CREBL2: variants seen among roughly 807,000 people sequenced by gnomAD.
CREBL2 encodes cAMP responsive element binding protein like 2.
CREBL2 carries 4 observed loss-of-function variants against 19.5 expected under a neutral mutation model. That is an observed-to-expected ratio of 0.20 (90% CI 0.10 to 0.47). The LOEUF (loss-of-function observed/expected upper bound fraction) is 0.47, where lower values mean the gene tolerates loss of function less well. CREBL2 is among the 20% of genes least tolerant of loss of function. CREBL2 has a pLI of 0.98. For synonymous variants in CREBL2, 42 were observed against 46.6 expected, an observed-to-expected ratio of 0.90 and a Z score of 0.40; for missense variants, 85 against 145.1, an observed-to-expected ratio of 0.59 and a Z score of 2.13.
At chr12:12,635,464 A>C (rs1289615026) in intron 1 of CREBL2, among the ~76,000 whole-genome samples, 1 of 151,276 alleles carries the variant, frequency 6.6e-6, no homozygotes, top group Non-Finnish European at 1.5e-5. Context: ...TGGTGAGCTA[A>C]ATAAATAAAT....
chr12:12,625,473 A>G (rs1945395069), intron 1 of CREBL2, among the ~76,000 whole-genome samples: 1 of 152,198 alleles, frequency 6.6e-6, no homozygotes, highest in Admixed American at 6.5e-5. Context: ...TAAATGAATG[A>G]CTGTATAGCA....
At chr12:12,632,068 CTTTTTTTTTTTTTTT>C (rs869253910) in intron 1 of CREBL2, among the ~76,000 whole-genome samples, 4 of 80,598 alleles carry the variant, frequency 5.0e-5, no homozygotes, top group African/African-American at 1.0e-4. Context: ...CTATGCCTTT[CTTTTTTTTTTTTTTT>C]TTTTTTTTTT....
chr12:12,614,648 T>C (rs571647273), intron 1 of CREBL2: 17 of 290,024 alleles, frequency 5.9e-5, no homozygotes, highest in African/African-American at 3.4e-4. Flanking sequence ...TTTGCAGAGA[T>C]GAGGGTCTCA....
chr12:12,629,104 C>A (rs1159655759), intron 1 of CREBL2, among the ~76,000 whole-genome samples: 2 of 152,070 alleles, frequency 1.3e-5, no homozygotes, highest in African/African-American at 4.8e-5. Context: ...ATTCTGGGTC[C>A]CTCGTATTTC....
intron 1 of CREBL2, among the ~76,000 whole-genome samples, chr12:12,629,347 A>T (rs930184596): frequency 3.9e-5 from 6 of 152,084 alleles, no homozygotes; most frequent in Admixed American, 6.5e-5. Flanking sequence ...TGCTAAATTT[A>T]TTCCTGAGTA....
chr12:12,619,339 G>T (rs931793180), intron 1 of CREBL2, among the ~76,000 whole-genome samples: 4 of 152,144 alleles, frequency 2.6e-5, no homozygotes, highest in Non-Finnish European at 5.9e-5. Flanking sequence ...GCCAGGTGTG[G>T]TGTCTCATGC....
At chr12:12,641,868 T>C (rs577931538) in intron 3 of CREBL2, 126 bp from the exon 4 acceptor site, 8 of 489,168 alleles carry the variant, frequency 1.6e-5, no homozygotes, top group Non-Finnish European at 2.5e-5. Context: ...TTTTAGTCTG[T>C]ATTTTTAAAA....
At chr12:12,632,009 G>GT (rs1182736212) in intron 1 of CREBL2, among the ~76,000 whole-genome samples, 1 of 142,784 alleles carries the variant, frequency 7.0e-6, no homozygotes, top group African/African-American at 2.6e-5. Context: ...AGTTTTAAAT[G>GT]TAACTTTATA....
chr12:12,626,614 C>T (rs1945403557), intron 1 of CREBL2, among the ~76,000 whole-genome samples: 1 of 152,084 alleles, frequency 6.6e-6, no homozygotes, highest in South Asian at 2.1e-4. Context: ...ATTTGTTCAT[C>T]CTGTGATTCT....
intron 1 of CREBL2, among the ~76,000 whole-genome samples, chr12:12,618,496 C>T (rs1410839869): frequency 6.6e-6 from 1 of 151,966 alleles, no homozygotes; most frequent in East Asian, 1.9e-4. Flanking sequence ...AGACGCTCCT[C>T]ACTTCCTAGA....
In CREBL2 at chr12:12,641,259, T is replaced by TA. The variant is rs1360425898; in HGVS notation, c.359-735_359-734insA. ...TATTATTATTATTATTATTATTTTT[T>TA]TTTATTTTTTTTTTTTTTAGGTCAA... On this transcript the variant is annotated intron_variant, in intron 3 of 3. Transcript: ENST00000228865. Among the ~76,000 whole-genome samples, 201 of 97,938 alleles carry TA rather than the reference T, an allele frequency of 2.1e-3. 5 individuals are homozygous for TA. The highest frequency in any genetic ancestry group is 7.7e-3 in the African/African-American group (191 of 24,898). The allele number at this position is 97,938 out of a possible 152,430, so 64.3% of individuals were successfully genotyped here.
At chr12:12,638,361 T>G (rs1945491800) in intron 3 of CREBL2, among the ~76,000 whole-genome samples, 1 of 152,040 alleles carries the variant, frequency 6.6e-6, no homozygotes. Flanking sequence ...TGCTTTAACC[T>G]GGGAAATGGA....
At chr12:12,613,821 A>T (rs984459186) in intron 1 of CREBL2, among the ~76,000 whole-genome samples, 4 of 152,036 alleles carry the variant, frequency 2.6e-5, no homozygotes, top group African/African-American at 9.7e-5. Flanking sequence ...CTTCAGTTTT[A>T]CTATAGTAAC....
chr12:12,617,538 C>A (rs1472193040), intron 1 of CREBL2, among the ~76,000 whole-genome samples: 1 of 149,480 alleles, frequency 6.7e-6, no homozygotes, highest in East Asian at 2.0e-4. Flanking sequence ...GACTCTAACA[C>A]ATAGTAGGCT....
At position 12,629,052 on chromosome 12, in the gene CREBL2, G is replaced by T. The variant is rs560855966; in HGVS notation, c.16-6725G>T. The stretch of plus-strand genomic sequence containing the variant: ...CTAATAAATTCTGAAATCAGAAAGT[G>T]TGAGCCCTCCAATTTGCGTCTTTTT... On this transcript the variant is annotated intron_variant, in intron 1 of 3. Transcript: ENST00000228865. Among the ~76,000 whole-genome samples, 6 of 152,332 alleles carry T rather than the reference G, an allele frequency of 3.9e-5. No homozygotes were observed. In the South Asian group the frequency reaches 1.0e-3, roughly 26 times the overall value.
intron 3 of CREBL2, among the ~76,000 whole-genome samples, chr12:12,641,002 A>G (rs1333326278): frequency 6.6e-6 from 1 of 151,876 alleles, no homozygotes; most frequent in Non-Finnish European, 1.5e-5. Context: ...TAAGAATTTT[A>G]TGGTTTTAAC....
rs776495725 is a variant in CREBL2, at chr12:12,638,017, G to C, written c.358+303G>C. On this transcript the variant is annotated intron_variant, in intron 3 of 3. Transcript: ENST00000228865. ...ATGATCATGAAACCCTGTCTCAAAA[G>C]GGGGGAACAAAAAGAGGGTATCTCA... Among the ~76,000 whole-genome samples, 3 of 152,022 alleles carry C rather than the reference G, an allele frequency of 2.0e-5. 1 individual carries two copies. In the South Asian group the frequency reaches 6.2e-4, roughly 32 times the overall value.
At position 12,635,904 on chromosome 12, in the gene CREBL2, A is replaced by G; in HGVS notation, c.143A>G (p.Tyr48Cys). 1 of 1,614,218 alleles carries G rather than the reference A, an allele frequency of 6.2e-7. No homozygotes were observed. The highest frequency in any genetic ancestry group is 8.5e-7 in the Non-Finnish European group (1 of 1,180,042). The change falls in exon 2 of 4, where the codon TAT becomes TGT. Residue 48 changes from tyrosine (Y) to cysteine (C), a missense_variant. By Grantham distance (194) the Tyr-to-Cys change is radical. Around this residue, in one of 5 missense-constraint regions of CREBL2, gnomAD observed 22 missense variants for 46.7 expected, o/e 0.47. Transcript: ENST00000228865. Reference protein sequence around the residue: ...RECRARKKLRYQYLEELVSSR... With the variant: ...RECRARKKLRCQYLEELVSSR... Reference sequence around the variant, plus strand: ...TGCCGAGCCCGAAAAAAGCTGAGATATCAGTATTTGGAAGAGTTGGTATCC... The same window carrying G: ...TGCCGAGCCCGAAAAAAGCTGAGATGTCAGTATTTGGAAGAGTTGGTATCC...
chr12:12,636,106 G>T, intron 2 of CREBL2, 132 bp downstream of exon 2: 1 of 866,550 alleles, frequency 1.2e-6, no homozygotes, highest in Admixed American at 2.7e-5. Context: ...CTGTTAGCCA[G>T]GATGGGGGCA....
Sources: allele counts gnomAD v4.1 joint callset (sites outside exome capture counted in the v4.1 genomes callset), GRCh38; gene constraint gnomAD v4.1.1; regional missense constraint gnomAD v4.1.1; transcripts MANE v1.5; gene names NCBI Gene and HGNC (gene_info 2026-07-23, HGNC 2026-07-21).